SLC25A21: variants seen among roughly 807,000 people sequenced by gnomAD.
The protein encoded by SLC25A21 is mitochondrial 2-oxodicarboxylate carrier.
In SLC25A21, 47 loss-of-function variants were observed where a neutral mutation model predicts 43.8. The ratio of observed to expected loss-of-function variants is 1.07; its 90% CI spans 0.85 to 1.37. The LOEUF (loss-of-function observed/expected upper bound fraction) is 1.37. SLC25A21 is among the 40% of genes most tolerant of loss of function. SLC25A21 has a pLI of 0.00. For synonymous variants in SLC25A21, 131 were observed against 121.3 expected (o/e 1.08, Z -0.52); for missense variants, 352 against 350.2 (o/e 1.00, Z -0.04).
chr14:37,090,205 T>A (rs921829769), intron 1 of SLC25A21, among the ~76,000 whole-genome samples: 4 of 152,224 alleles, frequency 2.6e-5, no homozygotes, highest in African/African-American at 9.6e-5. Flanking sequence ...GAAGCTGAGC[T>A]ATTAAAATTG....
At chr14:36,910,472 G>T (rs918123698) in intron 1 of SLC25A21, among the ~76,000 whole-genome samples, 1 of 152,160 alleles carries the variant, frequency 6.6e-6, no homozygotes, top group Non-Finnish European at 1.5e-5. Context: ...GCAAAAAGTT[G>T]TGATTATTTG....
intron 1 of SLC25A21, among the ~76,000 whole-genome samples, chr14:37,079,041 T>C (rs1962336430): frequency 6.6e-6 from 1 of 152,176 alleles, no homozygotes. Flanking sequence ...TTAAAGATGT[T>C]TTCATCTAAT....
chr14:36,782,048 C>T (rs1327514330), intron 3 of SLC25A21, among the ~76,000 whole-genome samples: 5 of 152,186 alleles, frequency 3.3e-5, no homozygotes, highest in Non-Finnish European at 5.9e-5. Context: ...ATTTTGACTA[C>T]ATCATCCCAC....
At chr14:36,854,933 T>TGGGG (rs569987342) in intron 2 of SLC25A21, among the ~76,000 whole-genome samples, 6 of 134,472 alleles carry the variant, frequency 4.5e-5, no homozygotes, top group African/African-American at 1.1e-4. Context: ...GGGCATGAGG[T>TGGGG]GGGGGGGGGT....
At chr14:37,128,676 C>T (rs957941778) in intron 1 of SLC25A21, among the ~76,000 whole-genome samples, 3 of 152,012 alleles carry the variant, frequency 2.0e-5, no homozygotes, top group African/African-American at 7.2e-5. Context: ...TTGACCTCCA[C>T]CACCAGGCTC....
At chr14:36,853,777 C>T (rs1889815654) in intron 2 of SLC25A21, among the ~76,000 whole-genome samples, 2 of 152,202 alleles carry the variant, frequency 1.3e-5, no homozygotes, top group South Asian at 2.1e-4. Flanking sequence ...TTTCATCAGC[C>T]AACACCCTAT....
chr14:36,751,519 G>A (rs147724276), intron 3 of SLC25A21, among the ~76,000 whole-genome samples: 3 of 152,272 alleles, frequency 2.0e-5, no homozygotes, highest in African/African-American at 7.2e-5. Context: ...AAGGACCTGA[G>A]AATTACGTAC....
intron 3 of SLC25A21, among the ~76,000 whole-genome samples, chr14:36,801,446 C>T (rs1344524327): frequency 3.9e-5 from 6 of 152,134 alleles, no homozygotes; most frequent in Non-Finnish European, 8.8e-5. Context: ...TGACTCTTTC[C>T]CCCAACACTT....
intron 1 of SLC25A21, among the ~76,000 whole-genome samples, chr14:37,061,279 A>T (rs765925201): frequency 6.6e-6 from 1 of 152,174 alleles, no homozygotes; most frequent in Non-Finnish European, 1.5e-5. Context: ...ACGAACAGCA[A>T]CTGGTCCCAA....
chr14:37,147,775 G>C (rs1963691241), intron 1 of SLC25A21, among the ~76,000 whole-genome samples: 1 of 151,564 alleles, frequency 6.6e-6, no homozygotes, highest in African/African-American at 2.4e-5. Context: ...TATATGTTTA[G>C]GGCATTACAT....
intron 1 of SLC25A21, among the ~76,000 whole-genome samples, chr14:36,920,381 T>TA (rs1432648920): frequency 6.6e-6 from 1 of 152,100 alleles, no homozygotes; most frequent in Non-Finnish European, 1.5e-5. Context: ...TAACTATGTT[T>TA]ACTTTTACAT....
At chr14:36,898,008 C>A (rs757882911) in intron 1 of SLC25A21, among the ~76,000 whole-genome samples, 1 of 152,232 alleles carries the variant, frequency 6.6e-6, no homozygotes, top group East Asian at 1.9e-4. Flanking sequence ...GGCAGTCTGT[C>A]CATTCTCAGA....
In SLC25A21 at chr14:36,679,895, C is replaced by CATG. The variant is rs1882129611; in HGVS notation, c.*760_*762dup. The stretch of plus-strand genomic sequence containing the variant: ...ATGTGGAGGAAAGTAAATTTTATTT[C>CATG]ATGTTTCCTACTTGTGTTAGAAGAG... On this transcript the variant is annotated 3_prime_UTR_variant, in exon 10 of 10. Coordinates refer to ENST00000331299, the MANE Select transcript of SLC25A21 (RefSeq NM_030631.4). 2 of 963,376 alleles carry CATG rather than the reference C, an allele frequency of 2.1e-6. No individual in the cohort carries two copies. Among genetic ancestry groups the CATG allele is most frequent in the African/African-American group, 3.5e-5 (2 of 56,648 alleles). The allele number at this position is 963,376 out of a possible 1,614,324, so 59.7% of individuals were successfully genotyped here.
rs999422358 is a variant in SLC25A21 at position 36,934,245 on chromosome 14, A to G, written c.71-59241T>C. 2.6e-5 allele frequency among the ~76,000 whole-genome samples: 4 copies of G among 152,058 alleles called. No homozygotes were observed. The East Asian group carries it at 7.7e-4, about 29-fold the overall frequency. On this transcript the variant is annotated intron_variant, in intron 1 of 9. Transcript: ENST00000331299. The stretch of plus-strand genomic sequence containing the variant: ...GCTGTCTGAATCTCAGGCAAAGTAC[A>G]TGCCTTTTACTATTGACTATAATCC...
chr14:37,057,166 ATC>A (rs1238807912), intron 1 of SLC25A21, among the ~76,000 whole-genome samples: 25 of 152,272 alleles, frequency 1.6e-4, no homozygotes, highest in South Asian at 8.3e-4. Context: ...GGCTACAATA[ATC>A]TCTGTTTAGT....
Position 36,761,187 on chromosome 14 carries a change from G to A in SLC25A21, c.204-26614C>T, listed in dbSNP as rs575928621. Among the ~76,000 whole-genome samples, 12 of 151,176 alleles carry A rather than the reference G, an allele frequency of 7.9e-5. No individual in the cohort carries two copies. In the South Asian group the frequency reaches 2.5e-3, roughly 31 times the overall value. On this transcript the variant is annotated intron_variant, in intron 3 of 9. Transcript: ENST00000331299. ...ATTCAGTTTGTGCATCCAAACAGAA[G>A]CCTTGGAGCATTTTCTCCTGGCTTT... is the stretch of plus-strand genomic sequence containing the variant.
intron 1 of SLC25A21, among the ~76,000 whole-genome samples, chr14:37,021,358 C>A (rs978345233): frequency 6.6e-6 from 1 of 152,034 alleles, no homozygotes; most frequent in African/African-American, 2.4e-5. Context: ...AAATACAGCA[C>A]ACTTAACATC....
chr14:36,697,765 G>A (rs1883099897), intron 7 of SLC25A21, among the ~76,000 whole-genome samples: 1 of 78,936 alleles, frequency 1.3e-5, no homozygotes, highest in Non-Finnish European at 2.4e-5. Flanking sequence ...CCATTTGCTT[G>A]GTAGATCTTC....
intron 3 of SLC25A21, among the ~76,000 whole-genome samples, chr14:36,803,468 A>T (rs1887936044): frequency 6.6e-6 from 1 of 152,190 alleles, no homozygotes; most frequent in Non-Finnish European, 1.5e-5. Context: ...ACAAAATGGT[A>T]CTTCTCCTTT....
Sources: allele counts gnomAD v4.1 joint callset (sites outside exome capture counted in the v4.1 genomes callset), GRCh38; gene constraint gnomAD v4.1.1; transcripts MANE v1.5; gene names NCBI Gene and HGNC (gene_info 2026-07-23, HGNC 2026-07-21).